The following IQCE variants were observed in gnomAD, a reference collection of about 807,000 sequenced individuals.
The protein encoded by IQCE is IQ domain-containing protein E.
Under a neutral mutation model 96.0 loss-of-function variants are expected in IQCE, and 115 were observed. The observed-to-expected ratio is 1.20, with a 90% confidence interval of 1.03 to 1.40. The LOEUF is 1.40. IQCE is among the 40% of genes most tolerant of loss of function. IQCE has a pLI of 0.00. For synonymous variants in IQCE, 412 were observed against 371.2 expected, an observed-to-expected ratio of 1.11 and a Z score of -1.26; for missense variants, 1,041 against 909.1, an observed-to-expected ratio of 1.15 and a Z score of -1.87.
intron 2 of IQCE, among the ~76,000 whole-genome samples, chr7:2,568,302 T>C (rs368610692): frequency 2.0e-5 from 3 of 152,306 alleles, no homozygotes; most frequent in African/African-American, 7.2e-5. Context: ...CATAAATGAA[T>C]TTTGTGTTTA....
chr7:2,602,577 C>T (rs1328214256), intron 18 of IQCE, among the ~76,000 whole-genome samples: 2 of 152,230 alleles, frequency 1.3e-5, no homozygotes, highest in Admixed American at 6.5e-5. Flanking sequence ...ACTCAGCACC[C>T]GCTTGTCCTC....
At chr7:2,596,826 C>G (rs1043209233) in intron 16 of IQCE, 4 of 394,154 alleles carry the variant, frequency 1.0e-5, no homozygotes, top group Admixed American at 2.9e-5. Context: ...AGATGAGGCT[C>G]TTCTTAGGGT....
Position 2,597,116 on chromosome 7 carries a change from G to C in IQCE, c.1441-1349G>C, listed in dbSNP as rs561195307. 48 of 470,432 alleles carry C rather than the reference G, an allele frequency of 1.0e-4. 1 individual carries two copies. In the East Asian group the frequency reaches 3.3e-3, roughly 33 times the overall value. The allele number at this position is 470,432 out of a possible 1,614,324, so 29.1% of individuals were successfully genotyped here. Reference sequence around the variant, plus strand: ...AGACCTGGGCCAGGGCCTTTATCATGAGAAGGAGAGGGCGAGGTGAGGTGA... The same window carrying C: ...AGACCTGGGCCAGGGCCTTTATCATCAGAAGGAGAGGGCGAGGTGAGGTGA... On this transcript the variant is annotated intron_variant, in intron 16 of 21. Transcript: ENST00000402050.
intron 1 of IQCE, among the ~76,000 whole-genome samples, chr7:2,564,585 G>A (rs1423642260): frequency 6.6e-6 from 1 of 151,586 alleles, no homozygotes; most frequent in African/African-American, 2.4e-5. Context: ...GCGACAAGGC[G>A]AGATTCTGTC....
intron 18 of IQCE, among the ~76,000 whole-genome samples, chr7:2,602,213 G>T (rs1175610258): frequency 6.6e-6 from 1 of 152,210 alleles, no homozygotes; most frequent in Non-Finnish European, 1.5e-5. Flanking sequence ...TGAGGGGAGG[G>T]CATCCCAGCA....
At chr7:2,591,137 C>T (rs984099330) in intron 14 of IQCE, among the ~76,000 whole-genome samples, 4 of 152,052 alleles carry the variant, frequency 2.6e-5, no homozygotes, top group South Asian at 2.1e-4. Flanking sequence ...CCTGTAATCC[C>T]GCCTATTTGG....
chr7:2,604,151 C>G (rs1784629681), intron 18 of IQCE, among the ~76,000 whole-genome samples: 1 of 151,694 alleles, frequency 6.6e-6, no homozygotes, highest in African/African-American at 2.4e-5. Flanking sequence ...CCACGTCTGG[C>G]TAATTTTTGT....
intron 17 of IQCE, among the ~76,000 whole-genome samples, chr7:2,600,059 G>A (rs1784330924): frequency 6.6e-6 from 1 of 151,828 alleles, no homozygotes; most frequent in Non-Finnish European, 1.5e-5. Flanking sequence ...CTCCCAAAGT[G>A]CTGGGATTAT....
At chr7:2,593,654 G>A (rs766504301) in intron 15 of IQCE, among the ~76,000 whole-genome samples, 1 of 152,252 alleles carries the variant, frequency 6.6e-6, no homozygotes, top group Non-Finnish European at 1.5e-5. Flanking sequence ...CGTAGCACAC[G>A]ATTCCTTGCG....
intron 18 of IQCE, among the ~76,000 whole-genome samples, 188 bp from the exon 19 acceptor site, chr7:2,604,693 A>G (rs6961606): frequency 0.73 from 111,723 of 152,048 alleles, 41,147 homozygotes; most frequent in African/African-American, 0.78. Flanking sequence ...CTGGGGCGCC[A>G]GTGAGTTTCT....
intron 6 of IQCE, among the ~76,000 whole-genome samples, chr7:2,574,830 A>G (rs1461518694): frequency 6.6e-6 from 1 of 152,014 alleles, no homozygotes; most frequent in Non-Finnish European, 1.5e-5. Context: ...CCTCGAGCTC[A>G]CGGATGCTTT....
chr7:2,601,416 T>C, intron 17 of IQCE, 25 bp from the exon 18 acceptor site: 5 of 1,458,616 alleles, frequency 3.4e-6, no homozygotes, highest in Non-Finnish European at 4.8e-6. Context: ...ATTCATGTAT[T>C]TTTTCTTTCT....
intron 10 of IQCE, 138 bp from the exon 11 acceptor site, chr7:2,584,098 A>G (rs974916058): frequency 5.1e-6 from 4 of 787,156 alleles, no homozygotes; most frequent in Admixed American, 1.8e-5. Context: ...CTTCAGCCCA[A>G]CGGAAAGATG....
intron 21 of IQCE, among the ~76,000 whole-genome samples, chr7:2,608,627 G>A (rs571039064): frequency 6.6e-6 from 1 of 152,320 alleles, no homozygotes; most frequent in South Asian, 2.1e-4. Flanking sequence ...GCTTTCAGTT[G>A]TTCTCCGGGA....
intron 11 of IQCE, 194 bp downstream of exon 11, chr7:2,584,479 T>C (rs1583450324): frequency 1.6e-6 from 1 of 624,906 alleles, no homozygotes; most frequent in Non-Finnish European, 2.9e-6. Context: ...CTCCTCATAG[T>C]GACCACGTGT....
At chr7:2,559,887 C>T (rs1248895903) in intron 1 of IQCE, among the ~76,000 whole-genome samples, 2 of 151,762 alleles carry the variant, frequency 1.3e-5, no homozygotes, top group Non-Finnish European at 2.9e-5. Context: ...GTGGCTCAGG[C>T]CGGTAGTCCC....
Position 2,605,334 on chromosome 7 carries a change from T to G in IQCE, c.1743+343T>G, listed in dbSNP as rs115511105. 9.4e-3 allele frequency among the ~76,000 whole-genome samples: 1,425 copies of G among 152,224 alleles called. 18 individuals are homozygous for G. The highest frequency in any genetic ancestry group is 0.032 in the African/African-American group (1,343 of 41,548). Reference sequence around the variant, plus strand: ...CCAGGTTTTTGTTTAAGAATCCCTATAGTAGGCCGGGCGCGGTGGCTCACA... The same window carrying G: ...CCAGGTTTTTGTTTAAGAATCCCTAGAGTAGGCCGGGCGCGGTGGCTCACA... On this transcript the variant is annotated intron_variant, in intron 19 of 21. Transcript: ENST00000402050.
chr7:2,569,162 C>G (rs1432254873), intron 3 of IQCE, among the ~76,000 whole-genome samples, 163 bp downstream of exon 3: 1 of 152,120 alleles, frequency 6.6e-6, no homozygotes, highest in Non-Finnish European at 1.5e-5. Flanking sequence ...GGAGTCTCCC[C>G]CTTTCATGTT....
At chr7:2,607,641 A>G in intron 21 of IQCE, 1 of 870,132 alleles carries the variant, frequency 1.1e-6, no homozygotes, top group Non-Finnish European at 1.4e-6. Flanking sequence ...GTGAGGCCTC[A>G]TCCCTGCTCT....
Sources: gnomAD v4.1 joint callset for allele counts (sites outside exome capture counted in the v4.1 genomes callset) on GRCh38, gnomAD v4.1.1 for gene constraint, MANE v1.5 for transcripts, NCBI Gene and HGNC (gene_info 2026-07-23, HGNC 2026-07-21) for gene names.